PLOD1: variants seen among roughly 807,000 people sequenced by gnomAD.
PLOD1 encodes the protein procollagen-lysine,2-oxoglutarate 5-dioxygenase 1.
PLOD1 carries 70 observed loss-of-function variants against 94.7 expected under a neutral mutation model. The ratio of observed to expected loss-of-function variants is 0.74; its 90% confidence interval spans 0.61 to 0.90. PLOD1 has a LOEUF of 0.90. PLOD1 is among the 40% of genes least tolerant of loss of function. The pLI, the probability that PLOD1 is intolerant of heterozygous loss-of-function variation, is 0.00. For missense variants in PLOD1, 905 were observed against 972.7 expected (o/e 0.93, Z 0.93); for synonymous variants, 417 against 400.2 (o/e 1.04, Z -0.50).
intron 2 of PLOD1, among the ~76,000 whole-genome samples, chr1:11,948,526 G>A (rs1328027955): frequency 1.3e-5 from 2 of 152,030 alleles, no homozygotes; most frequent in African/African-American, 2.4e-5. Flanking sequence ...TCAGGAGTTC[G>A]AGACCAGCCT....
intron 2 of PLOD1, among the ~76,000 whole-genome samples, chr1:11,948,862 T>C (rs529736684): frequency 6.6e-6 from 1 of 152,326 alleles, no homozygotes; most frequent in African/African-American, 2.4e-5. Context: ...CCTGAGTGCT[T>C]CCTTATGTCA....
chr1:11,952,335 G>A (rs1645708953), intron 4 of PLOD1, among the ~76,000 whole-genome samples: 1 of 152,296 alleles, frequency 6.6e-6, no homozygotes, highest in South Asian at 2.1e-4. Flanking sequence ...CGTACAATCC[G>A]TTTCTTCACC....
intron 5 of PLOD1, 96 bp downstream of exon 5, chr1:11,952,831 G>T: frequency 2.3e-6 from 2 of 867,160 alleles, no homozygotes; most frequent in Middle Eastern, 2.9e-4. Flanking sequence ...CCCTGGGTTG[G>T]TGTCTTAGTC....
intron 17 of PLOD1, chr1:11,971,440 C>T (rs1319975497): frequency 6.0e-6 from 1 of 165,778 alleles, no homozygotes; most frequent in Non-Finnish European, 1.3e-5. Flanking sequence ...GGCTGGGACT[C>T]TAGGGCCGGC....
At chr1:11,959,473 C>T (rs1423575278) in intron 9 of PLOD1, among the ~76,000 whole-genome samples, 9 of 146,716 alleles carry the variant, frequency 6.1e-5, no homozygotes, top group Middle Eastern at 3.6e-3. Context: ...GACAGAGTCT[C>T]GCTGTGTCAC....
chr1:11,964,109 C>G, intron 11 of PLOD1, 66 bp from the exon 12 acceptor site: 1 of 1,536,702 alleles, frequency 6.5e-7, no homozygotes, highest in Non-Finnish European at 9.0e-7. Flanking sequence ...CCCCCCATCC[C>G]TGGTTAGTGC....
At chr1:11,952,795 G>A (rs939432600) in intron 5 of PLOD1, 60 bp downstream of exon 5, 35 of 1,205,728 alleles carry the variant, frequency 2.9e-5, no homozygotes, top group East Asian at 4.7e-5. Flanking sequence ...CAGGCTGCAC[G>A]GGAACAGCTC....
chr1:11,966,217 G>A (rs751435457), intron 14 of PLOD1, 34 bp from the exon 15 acceptor site: 3 of 1,541,102 alleles, frequency 1.9e-6, no homozygotes, highest in Admixed American at 1.7e-5. Flanking sequence ...TGAGCCAATG[G>A]TGAGGACCCT....
At chr1:11,944,508 C>T (rs1645636648) in intron 1 of PLOD1, 1 of 1,331,666 alleles carries the variant, frequency 7.5e-7, no homozygotes, top group African/African-American at 1.5e-5. Flanking sequence ...TGACACTCTT[C>T]CTGTCCCCAG....
chr1:11,968,739 C>T (rs1325769342), intron 16 of PLOD1, among the ~76,000 whole-genome samples: 2 of 151,850 alleles, frequency 1.3e-5, no homozygotes, highest in African/African-American at 4.8e-5. Flanking sequence ...TCTCGAACTC[C>T]TGACCTCATG....
In PLOD1 at chr1:11,958,795, T is replaced by A; in HGVS notation, c.975+148T>A. On this transcript the variant is annotated intron_variant, in intron 9 of 18. Coordinates refer to ENST00000196061, the MANE Select transcript of PLOD1 (RefSeq NM_000302.4). The surrounding 1 kb of genome is among the most constrained non-coding windows in gnomAD (Gnocchi z 4.3). The stretch of plus-strand genomic sequence containing the variant: ...CCAGTGGACTGTGTCCCCAAATCAC[T>A]GAGTTAACTTTGGAGTCAGACTGGG... 2 of 943,170 alleles carry A rather than the reference T, an allele frequency of 2.1e-6. No individual in the cohort carries two copies. Among genetic ancestry groups the A allele is most frequent in the Non-Finnish European group, 3.3e-6 (2 of 605,570 alleles). 58.4% of individuals were successfully genotyped at this position (943,170 alleles called of 1,614,324 possible). A position where few individuals can be genotyped will look rare whatever the true frequency, so the allele number is the denominator to read the frequency against.
intron 4 of PLOD1, among the ~76,000 whole-genome samples, chr1:11,951,725 CT>C (rs1220295757): frequency 2.4e-4 from 36 of 150,368 alleles, no homozygotes; most frequent in African/African-American, 8.1e-4. Context: ...CGAGACCATC[CT>C]GGCTAACACG....
intron 1 of PLOD1, among the ~76,000 whole-genome samples, chr1:11,936,245 T>C (rs1044415697): frequency 1.3e-5 from 2 of 151,970 alleles, no homozygotes; most frequent in African/African-American, 4.8e-5. Flanking sequence ...TAGCGCTCTT[T>C]CTACTTCCTC....
chr1:11,967,597 G>GTATA lies in PLOD1; in HGVS notation c.1755+521_1755+524dup, dbSNP rs376492098. Among the ~76,000 whole-genome samples, 2 of 59,778 alleles carry GTATA rather than the reference G, an allele frequency of 3.3e-5. 1 individual carries two copies. Among genetic ancestry groups the GTATA allele is most frequent in the Non-Finnish European group, 6.6e-5 (2 of 30,394 alleles). The allele number at this position is 59,778 out of a possible 152,430, so 39.2% of individuals were successfully genotyped here. On this transcript the variant is annotated intron_variant, in intron 16 of 18. Transcript: ENST00000196061. ...TTTTTCTTTTCATGTGTGTGTGTGT[G>GTATA]TATATATATATATATATAAAAAGAA...
chr1:11,955,769 G>A (rs774963360), intron 6 of PLOD1, among the ~76,000 whole-genome samples: 1 of 152,074 alleles, frequency 6.6e-6, no homozygotes, highest in East Asian at 1.9e-4. Flanking sequence ...GATTACAGGC[G>A]CACACCACCA....
At position 11,964,001 on chromosome 1, in the gene PLOD1, T is replaced by C. The variant is rs111594810; in HGVS notation, c.1203-174T>C. Among the ~76,000 whole-genome samples, 6,983 of 152,160 alleles carry C rather than the reference T, an allele frequency of 0.046. 542 individuals carry two copies. Among genetic ancestry groups the C allele is most frequent in the African/African-American group, 0.16 (6,581 of 41,478 alleles). On this transcript the variant is annotated intron_variant, in intron 11 of 18. Transcript: ENST00000196061. Reference sequence around the variant, plus strand: ...TGGCTGCCCCATGGGAGGGAGCAGGTACCAGAAGAGCCAAACCCCCGACAC... The same window carrying C: ...TGGCTGCCCCATGGGAGGGAGCAGGCACCAGAAGAGCCAAACCCCCGACAC...
At chr1:11,965,809 C>G (rs1031339715) in intron 14 of PLOD1, among the ~76,000 whole-genome samples, 1 of 152,158 alleles carries the variant, frequency 6.6e-6, no homozygotes, top group Non-Finnish European at 1.5e-5. Context: ...GACCAGGACT[C>G]AAGAGGCCTG....
intron 1 of PLOD1, among the ~76,000 whole-genome samples, chr1:11,944,166 G>C (rs558513381): frequency 6.6e-6 from 1 of 152,166 alleles, no homozygotes; most frequent in African/African-American, 2.4e-5. Flanking sequence ...CCAGGAGATA[G>C]AGGTTGTAGT....
In PLOD1 at chr1:11,975,022, G is replaced by A; in HGVS notation, c.*214G>A. ...GGCTGGGGCTCTCCGTGGTGTTCTG[G>A]ACCCAGCCCCTGGAGACACCATTCA... On this transcript the variant is annotated 3_prime_UTR_variant, in exon 19 of 19. Coordinates refer to ENST00000196061, the MANE Select transcript of PLOD1 (RefSeq NM_000302.4). The A allele has an allele frequency of 7.9e-6, 5 of 629,428 alleles. No homozygotes were observed. The allele number at this position is 629,428 out of a possible 1,614,324, so 39.0% of individuals were successfully genotyped here. A position where few individuals can be genotyped will look rare whatever the true frequency, so the allele number is the denominator to read the frequency against.
Sources: allele counts gnomAD v4.1 joint callset (sites outside exome capture counted in the v4.1 genomes callset), GRCh38; gene constraint gnomAD v4.1.1; non-coding constraint Gnocchi (gnomAD v3.1); transcripts MANE v1.5; gene names NCBI Gene and HGNC (gene_info 2026-07-23, HGNC 2026-07-21).